PDCD10: variants seen among roughly 807,000 people sequenced by gnomAD.
PDCD10 encodes the protein programmed cell death 10.
PDCD10 carries 4 observed loss-of-function variants against 29.2 expected under a neutral mutation model. The ratio of observed to expected loss-of-function variants is 0.14; its 90% CI spans 0.07 to 0.31. PDCD10 has a LOEUF of 0.31. Ranked by LOEUF, PDCD10 falls within the 10% of genes least tolerant of loss-of-function variation. The probability of loss-of-function intolerance (pLI) is 1.00; values close to 1 mark genes in which losing one functional copy is unlikely to be tolerated. For missense variants in PDCD10, 183 were observed against 257.9 expected (o/e 0.71, Z 1.99); for synonymous variants, 70 against 82.2 (o/e 0.85, Z 0.80).
rs116884231 is a variant in PDCD10, at chr3:167,726,220, C to T, written c.-116-5947G>A. Among the ~76,000 whole-genome samples, 27 of 149,900 alleles carry T rather than the reference C, an allele frequency of 1.8e-4. No individual in the cohort carries two copies. The East Asian group carries it at 3.2e-3, about 18-fold the overall frequency. ...GGTTCAAGCGATTCCCCTTCCTCAG[C>T]CTCTCGAGTACTGGGATTATAGGCA... On this transcript the variant is annotated intron_variant, in intron 2 of 8. Coordinates refer to ENST00000392750, the MANE Select transcript of PDCD10 (RefSeq NM_007217.4).
At position 167,713,548 on chromosome 3, in the gene PDCD10, A is replaced by G. The variant is rs77194732; in HGVS notation, c.96+6514T>C. Among the ~76,000 whole-genome samples the G allele has an allele frequency of 9.4e-3, 1,429 of 152,090 alleles. 30 individuals are homozygous for G. In the East Asian group the frequency reaches 0.096, roughly 10 times the overall value. Reference sequence around the variant, plus strand: ...AAACCAAACCCAAAATTAGTAGAGGAAAAGAAATAATAAAGATCAGAGATA... The same window carrying G: ...AAACCAAACCCAAAATTAGTAGAGGGAAAGAAATAATAAAGATCAGAGATA... On this transcript the variant is annotated intron_variant, in intron 3 of 8. Transcript: ENST00000392750.
intron 2 of PDCD10, among the ~76,000 whole-genome samples, chr3:167,730,013 C>A (rs1315168594): frequency 6.6e-6 from 1 of 151,844 alleles, no homozygotes; most frequent in Non-Finnish European, 1.5e-5. Context: ...TTATACATAA[C>A]CAAAAATGTA....
chr3:167,729,954 G>A (rs1280766149), intron 2 of PDCD10, among the ~76,000 whole-genome samples: 1 of 151,994 alleles, frequency 6.6e-6, no homozygotes, highest in Non-Finnish European at 1.5e-5. Flanking sequence ...AACTGTATAA[G>A]AATGAAACTG....
In PDCD10 at chr3:167,720,115, T is replaced by C. The variant is rs754875027; in HGVS notation, c.43A>G (p.Thr15Ala). The change falls in exon 3 of 9, where the codon ACA becomes GCA. Residue 15 changes from threonine to alanine, a missense_variant. Physicochemically the swap from Thr to Ala is moderately conservative, Grantham distance 58. Transcript: ENST00000392750. ...TAGAGGGGCATAGAAACCATGGATG[T>C]GGTCTCAGCTTCATTCTTCATCTCT... Reference protein sequence around the residue: ...MEEMKNEAETTSMVSMPLYAV... With the variant: ...MEEMKNEAETASMVSMPLYAV... The C allele has an allele frequency of 6.2e-7, 1 of 1,612,658 alleles. No homozygotes were observed. The highest frequency in any genetic ancestry group is 2.2e-5 in the East Asian group (1 of 44,826).
Position 167,704,869 on chromosome 3 carries a change from G to T in PDCD10, c.123C>A (p.Ala41=). The change falls in exon 4 of 9, where the codon GCC becomes GCA. Residue 41 remains alanine (A), a synonymous_variant. Coordinates refer to ENST00000392750, the MANE Select transcript of PDCD10 (RefSeq NM_007217.4). ...NELERVNLSA[A]QTLRAAFIKA... Reference sequence around the variant, plus strand: ...TGATGAAAGCGGCTCTCAGTGTCTGGGCTGCAGACAGATTTACTCGTTCTA... The same window carrying T: ...TGATGAAAGCGGCTCTCAGTGTCTGTGCTGCAGACAGATTTACTCGTTCTA... 1 of 1,607,376 alleles carries T rather than the reference G, an allele frequency of 6.2e-7. No individual in the cohort carries two copies.
chr3:167,714,584 TAAGTA>T (rs1229953114), intron 3 of PDCD10, among the ~76,000 whole-genome samples: 3 of 151,790 alleles, frequency 2.0e-5, no homozygotes, highest in Non-Finnish European at 4.4e-5. Flanking sequence ...ACAGATAAAT[TAAGTA>T]AAGTAGCAGA....
At chr3:167,719,945 A>G (rs368839024) in intron 3 of PDCD10, 117 bp downstream of exon 3, 4 of 791,270 alleles carry the variant, frequency 5.1e-6, no homozygotes, top group African/African-American at 3.4e-5. Context: ...TGCCTAACGC[A>G]CCGATAAGAG....
intron 6 of PDCD10, among the ~76,000 whole-genome samples, chr3:167,689,510 C>A (rs1213051887): frequency 1.3e-5 from 2 of 152,044 alleles, no homozygotes; most frequent in East Asian, 3.9e-4. Flanking sequence ...GTTTCATATA[C>A]AATAACAGTG....
At chr3:167,730,162 C>T (rs980235357) in intron 2 of PDCD10, among the ~76,000 whole-genome samples, 1 of 152,128 alleles carries the variant, frequency 6.6e-6, no homozygotes, top group Non-Finnish European at 1.5e-5. Context: ...TCTTTCAGCA[C>T]ATAAATTATT....
At chr3:167,695,851 G>T in intron 5 of PDCD10, 129 bp from the exon 6 acceptor site, 1 of 883,098 alleles carries the variant, frequency 1.1e-6, no homozygotes, top group Non-Finnish European at 1.9e-6. Context: ...GAAAGACAAG[G>T]TTGCAAAGCA....
rs1232717116 is a variant in PDCD10 at position 167,683,366 on chromosome 3, T to G, written c.*942A>C. ...CTTAACATGAACACTTGATACATAA[T>G]TTCCTTAAAACTTCTCTATGGTGAA... On this transcript the variant is annotated 3_prime_UTR_variant, in exon 9 of 9. Coordinates refer to ENST00000392750, the MANE Select transcript of PDCD10 (RefSeq NM_007217.4). The G allele has an allele frequency of 5.3e-5, 8 of 152,052 alleles. No homozygotes were observed. Among genetic ancestry groups the G allele is most frequent in the Non-Finnish European group, 4.4e-5 (3 of 67,918 alleles). 9.4% of individuals were successfully genotyped at this position (152,052 alleles called of 1,614,324 possible).
intron 4 of PDCD10, 89 bp downstream of exon 4, chr3:167,704,753 T>C (rs956478054): frequency 3.2e-6 from 3 of 924,582 alleles, no homozygotes. Context: ...GGCTTTCCCT[T>C]AAAGAAAATA....
intron 4 of PDCD10, among the ~76,000 whole-genome samples, chr3:167,700,891 G>T (rs1041196959): frequency 6.6e-6 from 1 of 152,142 alleles, no homozygotes; most frequent in African/African-American, 2.4e-5. Flanking sequence ...TTTTAATACA[G>T]ATCAAAGTGC....
At position 167,686,841 on chromosome 3, in the gene PDCD10, T is replaced by C. The variant is rs559634883; in HGVS notation, c.557+393A>G. ...GTTAAAAAACAAAAGAAGAATATTA[T>C]ATGACAGGTAAAAATTATTTCAAGA... On this transcript the variant is annotated intron_variant, in intron 8 of 8. Transcript: ENST00000392750. 3.3e-5 allele frequency among the ~76,000 whole-genome samples: 5 copies of C among 152,336 alleles called. No homozygotes were observed. In the East Asian group the frequency reaches 9.6e-4, roughly 29 times the overall value.
At chr3:167,702,901 A>G (rs1039186850) in intron 4 of PDCD10, among the ~76,000 whole-genome samples, 3 of 152,234 alleles carry the variant, frequency 2.0e-5, no homozygotes, top group Non-Finnish European at 4.4e-5. Context: ...TTCTTCCAAA[A>G]TAAGTAATCT....
At chr3:167,694,734 C>T (rs1229197485) in intron 6 of PDCD10, 1 of 153,000 alleles carries the variant, frequency 6.5e-6, no homozygotes, top group Non-Finnish European at 1.5e-5. Context: ...TGCCACTCCT[C>T]CCACTGCCCA....
intron 3 of PDCD10, among the ~76,000 whole-genome samples, chr3:167,705,172 C>T (rs1721854972): frequency 1.3e-5 from 2 of 152,026 alleles, no homozygotes; most frequent in African/African-American, 2.4e-5. Flanking sequence ...AGATTAACAT[C>T]CTTACTACAC....
intron 3 of PDCD10, among the ~76,000 whole-genome samples, chr3:167,708,995 T>C (rs1722270443): frequency 6.6e-6 from 1 of 152,132 alleles, no homozygotes; most frequent in Non-Finnish European, 1.5e-5. Context: ...TAAGATTAAA[T>C]AGCTTACTAA....
At chr3:167,720,038 C>A in intron 3 of PDCD10, 24 bp downstream of exon 3, 1 of 1,367,142 alleles carries the variant, frequency 7.3e-7, no homozygotes, top group Non-Finnish European at 1.0e-6. Flanking sequence ...AGAGTTCATG[C>A]AAGAACATGT....
Sources: allele counts gnomAD v4.1 joint callset (sites outside exome capture counted in the v4.1 genomes callset), GRCh38; gene constraint gnomAD v4.1.1; transcripts MANE v1.5; gene names NCBI Gene and HGNC (gene_info 2026-07-23, HGNC 2026-07-21).